Variants in TTC28 observed in about 807,000 individuals in gnomAD.
TTC28 encodes the protein tetratricopeptide repeat domain 28.
Under a neutral mutation model 198.0 loss-of-function variants are expected in TTC28, and 61 were observed. The observed-to-expected ratio is 0.31, with a 90% CI of 0.25 to 0.38. The LOEUF (loss-of-function observed/expected upper bound fraction) is 0.38. TTC28 is among the 10% of genes least tolerant of loss of function. The pLI, the probability that TTC28 is intolerant of heterozygous loss-of-function variation, is 1.00. For missense variants in TTC28, 2,678 were observed against 3,164.0 expected, an observed-to-expected ratio of 0.85 and a Z score of 3.69; for synonymous variants, 1,171 against 1,297.8, an observed-to-expected ratio of 0.90 and a Z score of 2.10.
At chr22:28,374,745 G>A (rs1442869343) in intron 2 of TTC28, among the ~76,000 whole-genome samples, 3 of 152,112 alleles carry the variant, frequency 2.0e-5, no homozygotes, top group South Asian at 2.1e-4. Flanking sequence ...GCAGTGGCAC[G>A]ATCTCGGCTC....
At position 28,027,050 on chromosome 22, in the gene TTC28, T is replaced by C. The variant is rs552735068; in HGVS notation, c.4073+3176A>G. On this transcript the variant is annotated intron_variant, in intron 13 of 22. Coordinates refer to ENST00000397906, the MANE Select transcript of TTC28 (RefSeq NM_001145418.2). ...CTTTTCTACAGCAAATGTGATCTGC[T>C]GACTGACCCAGGTCCAGTCACATAC... is the stretch of plus-strand genomic sequence containing the variant. Among the ~76,000 whole-genome samples the C allele has an allele frequency of 3.3e-5, 5 of 152,308 alleles. No individual in the cohort carries two copies. The East Asian group carries it at 9.6e-4, about 29-fold the overall frequency.
At chr22:28,162,949 G>T in intron 6 of TTC28, 143 bp downstream of exon 6, 2 of 1,200,470 alleles carry the variant, frequency 1.7e-6, no homozygotes, top group South Asian at 1.6e-5. Flanking sequence ...GTCTCAAAAA[G>T]AAAAGGAAAA....
intron 5 of TTC28, among the ~76,000 whole-genome samples, chr22:28,216,299 G>T (rs924419538): frequency 6.6e-6 from 1 of 152,138 alleles, no homozygotes; most frequent in Non-Finnish European, 1.5e-5. Flanking sequence ...AGGAAGGAGT[G>T]GTCAATTCAA....
intron 6 of TTC28, among the ~76,000 whole-genome samples, chr22:28,130,618 G>T (rs560093240): frequency 6.6e-6 from 1 of 152,302 alleles, no homozygotes; most frequent in Non-Finnish European, 1.5e-5. Flanking sequence ...AAAGAATGCA[G>T]ATGCAGAAAG....
chr22:28,030,000 T>C (rs953988290), intron 13 of TTC28, among the ~76,000 whole-genome samples: 8 of 152,224 alleles, frequency 5.3e-5, no homozygotes, highest in Non-Finnish European at 1.2e-4. Context: ...CAAATGAGGA[T>C]TGTCACATCA....
At chr22:28,418,339 T>C (rs1415948383) in intron 2 of TTC28, among the ~76,000 whole-genome samples, 10 of 152,222 alleles carry the variant, frequency 6.6e-5, no homozygotes, top group South Asian at 4.1e-4. Context: ...ATGACGGCAG[T>C]TGAACTGCTT....
chr22:28,147,460 T>C (rs1421457297), intron 6 of TTC28, among the ~76,000 whole-genome samples: 2 of 152,174 alleles, frequency 1.3e-5, no homozygotes, highest in Non-Finnish European at 2.9e-5. Flanking sequence ...ATGCTCAATT[T>C]CCAGTTACAA....
chr22:28,301,718 A>G (rs2045031296), intron 3 of TTC28, among the ~76,000 whole-genome samples: 1 of 152,198 alleles, frequency 6.6e-6, no homozygotes. Flanking sequence ...ATGTGTCATC[A>G]TAATAGTCGG....
chr22:28,582,511 A>C (rs1018239748), intron 2 of TTC28, among the ~76,000 whole-genome samples: 1 of 152,238 alleles, frequency 6.6e-6, no homozygotes, highest in Non-Finnish European at 1.5e-5. Context: ...ATATCAAAAT[A>C]GTAAATATAA....
At chr22:28,278,217 A>C (rs554392030) in intron 5 of TTC28, among the ~76,000 whole-genome samples, 1 of 152,240 alleles carries the variant, frequency 6.6e-6, no homozygotes, top group South Asian at 2.1e-4. Context: ...CTACATAAAA[A>C]TCCACTCCTG....
chr22:28,338,970 T>A (rs1601654373), intron 2 of TTC28, among the ~76,000 whole-genome samples: 1 of 152,140 alleles, frequency 6.6e-6, no homozygotes, highest in South Asian at 2.1e-4. Context: ...GAGTGTCTGG[T>A]TTTTCTGCTC....
rs576334239 is a variant in TTC28 at position 28,242,876 on chromosome 22, G to T, written c.933+53322C>A. On this transcript the variant is annotated intron_variant, in intron 5 of 22. Transcript: ENST00000397906. ...AATTAAATTGACATCAAATTGGGCAGGCATGACCTGATACACTGTCTCTCA... is the reference window on the plus strand; with the variant it reads ...AATTAAATTGACATCAAATTGGGCATGCATGACCTGATACACTGTCTCTCA... Among the ~76,000 whole-genome samples the T allele has an allele frequency of 3.4e-3, 516 of 151,962 alleles. 4 individuals carry two copies. Among genetic ancestry groups the T allele is most frequent in the African/African-American group, 0.012 (482 of 41,430 alleles).
At chr22:28,085,818 T>C (rs1483593107) in intron 12 of TTC28, among the ~76,000 whole-genome samples, 1 of 151,990 alleles carries the variant, frequency 6.6e-6, no homozygotes. Flanking sequence ...TGGAGGAACA[T>C]CTACCAAGCA....
chr22:28,544,914 C>A (rs1442851936), intron 2 of TTC28, among the ~76,000 whole-genome samples: 1 of 152,206 alleles, frequency 6.6e-6, no homozygotes, highest in Non-Finnish European at 1.5e-5. Flanking sequence ...GAATAATCCA[C>A]CCCTTGTAGA....
Position 28,536,500 on chromosome 22 carries a change from T to C in TTC28, c.381+93052A>G, listed in dbSNP as rs564326294. 4.0e-5 allele frequency among the ~76,000 whole-genome samples: 6 copies of C among 151,634 alleles called. No individual in the cohort carries two copies. In the South Asian group the frequency reaches 1.2e-3, roughly 32 times the overall value. On this transcript the variant is annotated intron_variant, in intron 2 of 22. Transcript: ENST00000397906. ...TTAGCCAGACGTGGTGGCAGGCGCC[T>C]GTAGTCCCGGCTACTCGCGAGGCTG... is the stretch of plus-strand genomic sequence containing the variant.
At chr22:28,098,799 G>A in intron 10 of TTC28, 116 bp downstream of exon 10, 2 of 1,323,568 alleles carry the variant, frequency 1.5e-6, no homozygotes, top group Non-Finnish European at 2.0e-6. Flanking sequence ...TTCACAGTCT[G>A]TTGTCACAAC....
chr22:28,446,551 C>T (rs945749346), intron 2 of TTC28, among the ~76,000 whole-genome samples: 3 of 152,016 alleles, frequency 2.0e-5, no homozygotes, highest in Non-Finnish European at 4.4e-5. Context: ...TTTAAAACAG[C>T]GAAGCACCCC....
chr22:28,331,403 A>C (rs757724120), intron 2 of TTC28, among the ~76,000 whole-genome samples: 2 of 152,168 alleles, frequency 1.3e-5, no homozygotes, highest in African/African-American at 2.4e-5. Context: ...TCTGGAGTAC[A>C]GAAACAATGC....
chr22:28,620,182 T>C (rs2050970834), intron 2 of TTC28, among the ~76,000 whole-genome samples: 1 of 151,976 alleles, frequency 6.6e-6, no homozygotes, highest in Non-Finnish European at 1.5e-5. Flanking sequence ...AAACCCTGTC[T>C]CTACTAAAAA....
Sources: gnomAD v4.1 joint callset for allele counts (sites outside exome capture counted in the v4.1 genomes callset) on GRCh38, gnomAD v4.1.1 for gene constraint, MANE v1.5 for transcripts, NCBI Gene and HGNC (gene_info 2026-07-23, HGNC 2026-07-21) for gene names.